Variants in ZNF541 observed in about 807,000 individuals in gnomAD.
The protein encoded by ZNF541 is zinc finger protein 541.
ZNF541 carries 23 observed loss-of-function variants against 123.5 expected under a neutral mutation model. The observed-to-expected ratio is 0.19, with a 90% CI of 0.13 to 0.26. The LOEUF is 0.26. Among genes scored for constraint, ZNF541 ranks in the 10% least tolerant of loss-of-function variants. The probability of loss-of-function intolerance (pLI) is 1.00; values close to 1 mark genes in which losing one functional copy is unlikely to be tolerated. For missense variants in ZNF541, 1,612 were observed against 1,789.9 expected (o/e 0.90, Z 1.79); for synonymous variants, 751 against 754.5 (o/e 1.00, Z 0.08).
intron 3 of ZNF541, among the ~76,000 whole-genome samples, chr19:47,554,773 C>T (rs1178989488): frequency 1.3e-5 from 2 of 152,086 alleles, no homozygotes; most frequent in African/African-American, 4.8e-5. Context: ...AACATTATTC[C>T]CTAGAATGAG....
In ZNF541 at chr19:47,544,983, G is replaced by A. The variant is rs966360436; in HGVS notation, c.1546C>T (p.Pro516Ser). Residue 516 changes from proline to serine, a missense_variant, in exon 5 of 17, where the codon CCC becomes TCC. Physicochemically the swap from Pro to Ser is moderately conservative, Grantham distance 74. Transcript: ENST00000391901. ...VDCDSFLCQN[P>S]GEPGLQEAQK... ...GCCTCCTGGAGGCCGGGCTCCCCGG[G>A]GTTCTGGCACAGGAAGGAGTCGCAG... 34 of 1,530,624 alleles carry A rather than the reference G, an allele frequency of 2.2e-5. No individual in the cohort carries two copies. The highest frequency in any genetic ancestry group is 2.9e-5 in the Non-Finnish European group (33 of 1,144,546). 94.8% of individuals were successfully genotyped at this position (1,530,624 alleles called of 1,614,324 possible).
chr19:47,523,339 T>A (rs11666615), intron 14 of ZNF541, among the ~76,000 whole-genome samples: 9,593 of 104,918 alleles, frequency 0.091, 787 homozygotes, highest in African/African-American at 0.25. Context: ...GCGTCTCTTT[T>A]AAAAAAAAAA....
In ZNF541 at chr19:47,544,119, C is replaced by T. The variant is rs1482244938; in HGVS notation, c.2403+7G>A. 2 of 1,540,462 alleles carry T rather than the reference C, an allele frequency of 1.3e-6. No individual in the cohort carries two copies. The highest frequency in any genetic ancestry group is 2.5e-5 in the East Asian group (1 of 40,686). ...TCTGGTCAGGCCACGTGAGAGAGAG[C>T]TGGTACCTGGATTCTGCTGAATATT... On this transcript the variant is annotated splice_region_variant and intron_variant, in intron 5 of 16. Coordinates refer to ENST00000391901, the MANE Select transcript of ZNF541 (RefSeq NM_001277075.3).
Position 47,521,451 on chromosome 19 carries a change from G to T in ZNF541, c.3887+28C>A. 1 of 1,550,822 alleles carries T rather than the reference G, an allele frequency of 6.4e-7. No homozygotes were observed. The stretch of plus-strand genomic sequence containing the variant: ...ACAGGGGCTGAGGCTGGGAGCCCTG[G>T]GAGTGTTTCCAGGAGAAAGCTGGGT... On this transcript the variant is annotated intron_variant, in intron 16 of 16. Coordinates refer to ENST00000391901, the MANE Select transcript of ZNF541 (RefSeq NM_001277075.3). The surrounding 1 kb of genome is among the most constrained non-coding windows in gnomAD (Gnocchi z 4.2).
chr19:47,532,070 C>T (rs914632550), intron 11 of ZNF541, 58 bp downstream of exon 11: 51 of 1,540,320 alleles, frequency 3.3e-5, no homozygotes, highest in Non-Finnish European at 3.9e-5. Flanking sequence ...GGAAAAACAC[C>T]CTGGAAATGG....
Position 47,540,883 on chromosome 19 carries a change from C to T in ZNF541, c.2462+10G>A, listed in dbSNP as rs1409405552. ...AGGGTGCATGCAGGATCGGGGGCTT[C>T]TTAACTTACCCTCTGCCTGCCACAT... On this transcript the variant is annotated intron_variant, in intron 6 of 16. Transcript: ENST00000391901. 1 of 1,551,088 alleles carries T rather than the reference C, an allele frequency of 6.4e-7. No homozygotes were observed. The highest frequency in any genetic ancestry group is 2.4e-5 in the East Asian group (1 of 40,920).
chr19:47,528,649 A>G (rs896496635), intron 14 of ZNF541, among the ~76,000 whole-genome samples: 1 of 151,896 alleles, frequency 6.6e-6, no homozygotes, highest in Non-Finnish European at 1.5e-5. Flanking sequence ...GCATACCTAT[A>G]TATATAAAAT....
intron 3 of ZNF541, among the ~76,000 whole-genome samples, chr19:47,552,612 G>A (rs960392410): frequency 2.0e-5 from 3 of 151,120 alleles, no homozygotes; most frequent in Non-Finnish European, 4.4e-5. Flanking sequence ...GGGCAGTGGC[G>A]GGCGCCTGTG....
intron 3 of ZNF541, among the ~76,000 whole-genome samples, chr19:47,555,161 A>T (rs2123284044): frequency 6.6e-6 from 1 of 151,040 alleles, no homozygotes; most frequent in Middle Eastern, 3.4e-3. Context: ...TGAGGTCAGG[A>T]GATCAAGACC....
intron 2 of ZNF541, among the ~76,000 whole-genome samples, chr19:47,568,933 A>C (rs1971371086): frequency 1.3e-5 from 2 of 152,122 alleles, no homozygotes; most frequent in African/African-American, 4.8e-5. Flanking sequence ...GCCTCTCAAA[A>C]TGCTAGGATT....
upstream of ZNF541, among the ~76,000 whole-genome samples, chr19:47,573,168 G>C (rs1971536322): frequency 6.7e-6 from 1 of 149,578 alleles, no homozygotes; most frequent in Admixed American, 6.7e-5. Flanking sequence ...GCGCCGCCCG[G>C]GGCGCACGCG....
chr19:47,528,395 G>GGGTT (rs1969408611), intron 14 of ZNF541, among the ~76,000 whole-genome samples: 4 of 149,126 alleles, frequency 2.7e-5, no homozygotes, highest in Non-Finnish European at 5.9e-5. Flanking sequence ...CCCACTCACT[G>GGGTT]CAACTCTGCC....
rs2123161861 is a variant in ZNF541 at position 47,545,811 on chromosome 19, G to A, written c.718C>T (p.Pro240Ser). 6.5e-7 allele frequency: 1 copy of A among 1,546,046 alleles called. No homozygotes were observed. ...PPEEEACGDS[P>S]HAHESAGQPP... ...TGGCCGGCCGACTCGTGGGCGTGGG[G>A]GGAGTCCCCGCAGGCCTCTTCCTCC... Residue 240 changes from proline to serine, a missense_variant, in exon 5 of 17, where the codon CCC (proline) becomes TCC (serine). Coordinates refer to ENST00000391901, the MANE Select transcript of ZNF541 (RefSeq NM_001277075.3). The surrounding 1 kb of genome is among the most constrained non-coding windows in gnomAD (Gnocchi z 7.5).
chr19:47,563,936 A>G (rs1312055198), intron 2 of ZNF541, among the ~76,000 whole-genome samples: 2 of 152,176 alleles, frequency 1.3e-5, no homozygotes, highest in Non-Finnish European at 2.9e-5. Flanking sequence ...CACTTTCTCC[A>G]CATCGGGTAT....
chr19:47,540,869 A>G, intron 6 of ZNF541, 24 bp downstream of exon 6: 1 of 1,550,644 alleles, frequency 6.4e-7, no homozygotes, highest in Non-Finnish European at 8.7e-7. Flanking sequence ...GGGTGCATGC[A>G]GGATCGGGGG....
In ZNF541 at chr19:47,544,492, C is replaced by G. The variant is rs563075422; in HGVS notation, c.2037G>C (p.Gln679His). Residue 679 changes from glutamine to histidine, a missense_variant, in exon 5 of 17, where the codon CAG becomes CAC. Gln to His is a conservative substitution (Grantham distance 24, BLOSUM62 0). Coordinates refer to ENST00000391901, the MANE Select transcript of ZNF541 (RefSeq NM_001277075.3). ...RNPDISSLAK[Q>H]LRSSKGTLDL... ...CCAAGGTCCCTTTAGAGGATCGCAGCTGCTTGGCCAGAGAAGAGATGTCTG... is the reference window on the plus strand; with the variant it reads ...CCAAGGTCCCTTTAGAGGATCGCAGGTGCTTGGCCAGAGAAGAGATGTCTG... 12 of 1,551,700 alleles carry G rather than the reference C, an allele frequency of 7.7e-6. No individual in the cohort carries two copies. In the East Asian group the frequency reaches 2.9e-4, roughly 38 times the overall value.
At chr19:47,528,490 T>C (rs1969413860) in intron 14 of ZNF541, among the ~76,000 whole-genome samples, 2 of 151,712 alleles carry the variant, frequency 1.3e-5, no homozygotes, top group African/African-American at 2.4e-5. Context: ...CTAATTTTTG[T>C]ATTTTTAGTA....
chr19:47,548,217 G>A (rs1019792015), intron 4 of ZNF541, among the ~76,000 whole-genome samples: 1 of 151,698 alleles, frequency 6.6e-6, no homozygotes, highest in Admixed American at 6.6e-5. Context: ...GGCTGAGGCA[G>A]GTGGATCACA....
intron 14 of ZNF541, among the ~76,000 whole-genome samples, chr19:47,524,572 G>A (rs1014047930): frequency 2.0e-5 from 3 of 151,950 alleles, no homozygotes; most frequent in African/African-American, 7.3e-5. Flanking sequence ...GCCGGGTGTG[G>A]TGGCACGCAC....
Sources: allele counts gnomAD v4.1 joint callset (sites outside exome capture counted in the v4.1 genomes callset), GRCh38; gene constraint gnomAD v4.1.1; non-coding constraint Gnocchi (gnomAD v3.1); transcripts MANE v1.5; gene names NCBI Gene and HGNC (gene_info 2026-07-23, HGNC 2026-07-21).